NOTCH2: variants seen among roughly 807,000 people sequenced by gnomAD.
The protein encoded by NOTCH2 is neurogenic locus notch homolog protein 2.
Under a neutral mutation model 235.8 loss-of-function variants are expected in NOTCH2, and 29 were observed. The ratio of observed to expected loss-of-function variants is 0.12; its 90% CI spans 0.09 to 0.17. NOTCH2 has a LOEUF of 0.17. Among genes scored for constraint, NOTCH2 ranks in the 10% least tolerant of loss-of-function variants. NOTCH2 has a pLI of 1.00. For synonymous variants in NOTCH2, 1,086 were observed against 1,141.5 expected (o/e 0.95, Z 0.98); for missense variants, 2,285 against 3,150.2 (o/e 0.73, Z 6.57).
chr1:120,015,132 A>T (rs1407690951), intron 2 of NOTCH2, among the ~76,000 whole-genome samples: 1 of 152,210 alleles, frequency 6.6e-6, no homozygotes, highest in Non-Finnish European at 1.5e-5. Flanking sequence ...CATGATTTTT[A>T]AAAAAACTAT....
chr1:120,024,773 A>T (rs1653776933), intron 2 of NOTCH2, among the ~76,000 whole-genome samples: 1 of 152,256 alleles, frequency 6.6e-6, no homozygotes, highest in South Asian at 2.1e-4. Context: ...TTTTACAAAC[A>T]CTACGTTAGA....
Position 119,997,169 on chromosome 1 carries a change from C to A in NOTCH2, c.579G>T (p.Gln193His), listed in dbSNP as rs782291604. The A allele has an allele frequency of 6.2e-7, 1 of 1,614,032 alleles. No homozygotes were observed. The highest frequency in any genetic ancestry group is 8.5e-7 in the Non-Finnish European group (1 of 1,179,864). Residue 193 changes from glutamine (Q) to histidine (H), a missense_variant, in exon 4 of 34, where the codon CAG (glutamine) becomes CAT (histidine). Coordinates refer to ENST00000256646, the MANE Select transcript of NOTCH2 (RefSeq NM_024408.4). ...GCAGGTTGAGGCAGGTGCCACCATG[C>A]TGGCAGTGTCCTGGAATGTCACACT... ...VNECDIPGHC[Q>H]HGGTCLNLPG...
chr1:119,951,940 C>T (rs1650490842), intron 14 of NOTCH2, among the ~76,000 whole-genome samples: 1 of 152,214 alleles, frequency 6.6e-6, no homozygotes, highest in African/African-American at 2.4e-5. Flanking sequence ...CTACAAGTTT[C>T]TTTGCCAATG....
intron 5 of NOTCH2, among the ~76,000 whole-genome samples, chr1:119,973,376 C>G (rs1027025141): frequency 6.6e-6 from 1 of 152,274 alleles, no homozygotes; most frequent in African/African-American, 2.4e-5. Context: ...ACTCCCTTCA[C>G]GTCACCACCC....
rs587762570 is a variant in NOTCH2 at position 120,023,917 on chromosome 1, CTTGAG to C, written c.155+5984_155+5988del. 9.4e-4 allele frequency among the ~76,000 whole-genome samples: 142 copies of C among 151,854 alleles called. 2 individuals carry two copies. Among genetic ancestry groups the C allele is most frequent in the African/African-American group, 3.2e-3 (134 of 41,352 alleles). ...GATTAACTGCAACTACTACCACAGA[CTTGAG>C]TTATCTGTTATATGTGGTACTCATA... is the stretch of plus-strand genomic sequence containing the variant. On this transcript the variant is annotated intron_variant, in intron 2 of 33. Coordinates refer to ENST00000256646, the MANE Select transcript of NOTCH2 (RefSeq NM_024408.4).
chr1:119,931,657 A>G (rs1553195133), intron 22 of NOTCH2, among the ~76,000 whole-genome samples: 1 of 152,110 alleles, frequency 6.6e-6, no homozygotes, highest in Non-Finnish European at 1.5e-5. Flanking sequence ...TGCCATCTCA[A>G]ATCATTATAT....
At chr1:120,043,779 C>T (rs1184460864) in intron 1 of NOTCH2, among the ~76,000 whole-genome samples, 1 of 148,530 alleles carries the variant, frequency 6.7e-6, no homozygotes, top group Middle Eastern at 3.2e-3. Context: ...AGCATCACCC[C>T]TACCTACACA....
At chr1:119,982,931 C>T (rs2641316) in intron 5 of NOTCH2, among the ~76,000 whole-genome samples, 46,786 of 152,146 alleles carry the variant, frequency 0.31, 12,606 homozygotes, top group African/African-American at 0.73. Flanking sequence ...AGGGCTAGAA[C>T]AGATGCTTCT....
intron 1 of NOTCH2, among the ~76,000 whole-genome samples, chr1:120,065,158 A>T (rs2799240): frequency 3.3e-5 from 5 of 152,222 alleles, no homozygotes; most frequent in Non-Finnish European, 7.3e-5. Flanking sequence ...ATTACAAGTT[A>T]AAATGAAACA....
chr1:120,028,483 T>C (rs587697917), intron 2 of NOTCH2, among the ~76,000 whole-genome samples: 87 of 152,104 alleles, frequency 5.7e-4, no homozygotes, highest in African/African-American at 2.0e-3. Flanking sequence ...GAGCAGCCCA[T>C]AATAAGCTAC....
intron 11 of NOTCH2, among the ~76,000 whole-genome samples, chr1:119,963,008 T>C (rs1553199197): frequency 6.6e-6 from 1 of 152,218 alleles, no homozygotes; most frequent in Non-Finnish European, 1.5e-5. Flanking sequence ...CTCTGCGTTC[T>C]ACTTTAGTTA....
intron 2 of NOTCH2, among the ~76,000 whole-genome samples, chr1:120,007,684 T>C (rs1553206469): frequency 6.6e-6 from 1 of 151,974 alleles, no homozygotes; most frequent in East Asian, 1.9e-4. Context: ...CAGAGTGAGA[T>C]TCCATCTCAA....
intron 17 of NOTCH2, among the ~76,000 whole-genome samples, chr1:119,947,508 A>G (rs1242143489): frequency 6.6e-6 from 1 of 152,194 alleles, no homozygotes; most frequent in Non-Finnish European, 1.5e-5. Flanking sequence ...TGATATCACC[A>G]AGAGTTTGTG....
chr1:119,932,462 C>T (rs1649700154), intron 22 of NOTCH2, among the ~76,000 whole-genome samples: 1 of 152,126 alleles, frequency 6.6e-6, no homozygotes, highest in Non-Finnish European at 1.5e-5. Context: ...TGGCACATGC[C>T]TGTAATCCCA....
chr1:119,925,255 AGT>A, intron 25 of NOTCH2, 48 bp downstream of exon 25: 2 of 1,610,562 alleles, frequency 1.2e-6, no homozygotes, highest in East Asian at 4.5e-5. Flanking sequence ...GAGAAACTGA[AGT>A]GTGTTAGTGA....
chr1:120,067,664 T>C (rs1359574952), intron 1 of NOTCH2, among the ~76,000 whole-genome samples: 2 of 152,246 alleles, frequency 1.3e-5, no homozygotes, highest in East Asian at 3.8e-4. Flanking sequence ...GACTGTCTCA[T>C]TGATCATACT....
chr1:120,011,812 C>T (rs1349806475), intron 2 of NOTCH2, among the ~76,000 whole-genome samples: 2 of 151,658 alleles, frequency 1.3e-5, no homozygotes, highest in African/African-American at 2.4e-5. Context: ...GTCAGGAGAT[C>T]GAGACCATCC....
In NOTCH2 at chr1:119,997,032, G is replaced by A. The variant is rs370351152; in HGVS notation, c.716C>T (p.Thr239Ile). Reference sequence around the variant, plus strand: ...GTTGCACTCAAAAGTGAAGTCACCAGTCTGCCGACAGGTGCCTCCATTGAC... The same window carrying A: ...GTTGCACTCAAAAGTGAAGTCACCAATCTGCCGACAGGTGCCTCCATTGAC... ...PCVNGGTCRQ[T>I]GDFTFECNCL... The change falls in exon 4 of 34, where the codon ACT becomes ATT. Residue 239 changes from threonine to isoleucine, a missense_variant. Thr to Ile is a moderately conservative substitution (Grantham distance 89). This residue lies in a region of NOTCH2 where 431 missense variants were observed against 757.8 expected (regional missense o/e 0.57). Coordinates refer to ENST00000256646, the MANE Select transcript of NOTCH2 (RefSeq NM_024408.4). The A allele has an allele frequency of 1.9e-6, 3 of 1,613,884 alleles. No individual in the cohort carries two copies. In the African/African-American group the frequency reaches 4.0e-5, roughly 22 times the overall value.
At chr1:120,048,876 AC>A (rs1553214060) in intron 1 of NOTCH2, among the ~76,000 whole-genome samples, 1 of 117,798 alleles carries the variant, frequency 8.5e-6, no homozygotes, top group African/African-American at 3.5e-5. Flanking sequence ...TATGTAAAGC[AC>A]TTAGCCACAC....
Sources: allele counts gnomAD v4.1 joint callset (sites outside exome capture counted in the v4.1 genomes callset), GRCh38; gene constraint gnomAD v4.1.1; regional missense constraint gnomAD v4.1.1; transcripts MANE v1.5; gene names NCBI Gene and HGNC (gene_info 2026-07-23, HGNC 2026-07-21).